The following C3orf52 variants were observed in gnomAD, a reference collection of about 807,000 sequenced individuals.
The protein encoded by C3orf52 is TPA-induced transmembrane protein.
Under a neutral mutation model 24.8 loss-of-function variants are expected in C3orf52, and 22 were observed. The ratio of observed to expected loss-of-function variants is 0.89; its 90% CI spans 0.63 to 1.27. The LOEUF is 1.27. C3orf52 is among the 50% of genes most tolerant of loss of function. The pLI is 0.00. For missense variants in C3orf52, 265 were observed against 260.7 expected (o/e 1.02, Z -0.11); for synonymous variants, 93 against 100.2 (o/e 0.93, Z 0.43).
At chr3:112,131,229 G>A (rs1440252898), downstream of C3orf52, among the ~76,000 whole-genome samples, 2 of 152,148 alleles carry the variant, frequency 1.3e-5, no homozygotes, top group East Asian at 3.9e-4. Context: ...ACTGGTCTGA[G>A]GATCCACAGC....
At chr3:112,092,198 C>T (rs1423534449) in intron 1 of C3orf52, among the ~76,000 whole-genome samples, 2 of 152,106 alleles carry the variant, frequency 1.3e-5, no homozygotes, top group Non-Finnish European at 2.9e-5. Flanking sequence ...TGTCCATTAT[C>T]TCTAGTTTTT....
At chr3:112,098,638 C>T (rs1212321575) in intron 2 of C3orf52, among the ~76,000 whole-genome samples, 1 of 152,168 alleles carries the variant, frequency 6.6e-6, no homozygotes, top group African/African-American at 2.4e-5. Flanking sequence ...AACAGAATAT[C>T]ATAAACTAGG....
downstream of C3orf52, chr3:112,132,964 A>G (rs1343849358): frequency 6.6e-6 from 6 of 907,746 alleles, no homozygotes; most frequent in Admixed American, 1.3e-4. Flanking sequence ...AAGGCTTGGC[A>G]GTTTCCTTAC....
At chr3:112,132,625 A>G (rs2074484225), downstream of C3orf52, 1 of 984,980 alleles carries the variant, frequency 1.0e-6, no homozygotes, top group Admixed American at 6.1e-5. Flanking sequence ...AATCTAGATG[A>G]CCTCTGCTTA....
chr3:112,135,810 G>A (rs149455177), downstream of C3orf52, among the ~76,000 whole-genome samples: 2 of 152,058 alleles, frequency 1.3e-5, no homozygotes, highest in African/African-American at 4.8e-5. Context: ...GTAAAGGAAG[G>A]TCACAACTTT....
downstream of C3orf52, chr3:112,133,970 C>G (rs1190668160): frequency 6.6e-6 from 1 of 152,276 alleles, no homozygotes; most frequent in East Asian, 1.9e-4. Flanking sequence ...TTTAGCCTGT[C>G]CAGCCCCCCT....
chr3:112,108,387 A>G (rs528081171), intron 3 of C3orf52, among the ~76,000 whole-genome samples: 4 of 152,118 alleles, frequency 2.6e-5, no homozygotes, highest in Admixed American at 6.5e-5. Flanking sequence ...ATATTTATAC[A>G]TTGCTGGGAG....
chr3:112,093,961 G>A (rs2073902790), intron 2 of C3orf52, among the ~76,000 whole-genome samples: 1 of 151,896 alleles, frequency 6.6e-6, no homozygotes, highest in African/African-American at 2.4e-5. Context: ...AGAACCATGT[G>A]TCCATAAGCT....
intron 4 of C3orf52, chr3:112,123,696 G>A (rs544367064): frequency 5.9e-5 from 95 of 1,614,014 alleles, no homozygotes; most frequent in Non-Finnish European, 7.8e-5. Context: ...AGAGTTCCCT[G>A]ATGGCCTTGT....
intron 4 of C3orf52, chr3:112,112,112 A>G (rs1302497206): frequency 6.6e-6 from 1 of 152,220 alleles, no homozygotes; most frequent in Non-Finnish European, 1.5e-5. Flanking sequence ...TCATTATTTT[A>G]TTGCTGGTTC....
downstream of C3orf52, chr3:112,135,058 A>C (rs1418009995): frequency 6.5e-6 from 1 of 154,862 alleles, no homozygotes; most frequent in African/African-American, 2.4e-5. Flanking sequence ...GACTGTATGC[A>C]TTTCTCATAA....
chr3:112,086,445 T>C lies in C3orf52; in HGVS notation c.38T>C (p.Leu13Pro). The change falls in exon 1 of 6, where the codon CTG becomes CCG. Residue 13 changes from leucine (L) to proline (P), a missense_variant. Physicochemically the swap from Leu to Pro is moderately conservative, Grantham distance 98 (BLOSUM62 -3). Coordinates refer to ENST00000264848, the MANE Select transcript of C3orf52 (RefSeq NM_024616.3). ...CAACCCTCACAGCCAGTAGACGAGC[T>C]GGAGCTCTCGGTGCTCGAGCGGCAG... ...LAQPSQPVDE[L>P]ELSVLERQPE... 1 of 1,551,248 alleles carries C rather than the reference T, an allele frequency of 6.4e-7. No individual in the cohort carries two copies. The highest frequency in any genetic ancestry group is 1.2e-5 in the South Asian group (1 of 83,996).
chr3:112,135,978 G>A (rs1024462053), downstream of C3orf52, among the ~76,000 whole-genome samples: 2 of 152,156 alleles, frequency 1.3e-5, no homozygotes, highest in African/African-American at 4.8e-5. Flanking sequence ...TGTAGCTTTC[G>A]TTTATCTCAG....
intron 1 of C3orf52, among the ~76,000 whole-genome samples, chr3:112,091,567 G>A (rs2073877409): frequency 6.6e-6 from 1 of 152,172 alleles, no homozygotes; most frequent in Admixed American, 6.5e-5. Flanking sequence ...GGTGCAGGTG[G>A]GGCCTAGGTA....
Position 112,113,976 on chromosome 3 carries a change from T to A in C3orf52, c.649+831T>A, listed in dbSNP as rs764565457. On this transcript the variant is annotated intron_variant, in intron 5 of 5. Coordinates refer to ENST00000264848, the MANE Select transcript of C3orf52 (RefSeq NM_024616.3). ...GCCAACAATCTTGAATATTTTATGT[T>A]CTCATCCACAGTCCATCAGAATCAC... 5.9e-5 allele frequency among the ~76,000 whole-genome samples: 9 copies of A among 152,210 alleles called. 1 individual carries two copies. The highest frequency in any genetic ancestry group is 7.4e-5 in the Non-Finnish European group (5 of 68,026).
At chr3:112,100,363 G>T (rs774828949) in intron 2 of C3orf52, among the ~76,000 whole-genome samples, 2 of 152,132 alleles carry the variant, frequency 1.3e-5, no homozygotes, top group African/African-American at 2.4e-5. Context: ...TTAAAAATAT[G>T]TTTTTTCTAC....
At chr3:112,105,570 G>GTGTGTGTGTGTGTGTGTGTGTT (rs199579112) in intron 3 of C3orf52, among the ~76,000 whole-genome samples, 1 of 133,950 alleles carries the variant, frequency 7.5e-6, no homozygotes. Context: ...GTGTGTGTGT[G>GTGTGTGTGTGTGTGTGTGTGTT]TTTTCCACAC....
intron 1 of C3orf52, among the ~76,000 whole-genome samples, chr3:112,091,283 T>C (rs1021391778): frequency 1.3e-5 from 2 of 152,178 alleles, no homozygotes; most frequent in African/African-American, 4.8e-5. Context: ...AACAGGGCAG[T>C]TTAAGAGCAC....
chr3:112,126,573 T>G (rs1327588360), intron 4 of C3orf52, among the ~76,000 whole-genome samples: 1 of 152,176 alleles, frequency 6.6e-6, no homozygotes, highest in Non-Finnish European at 1.5e-5. Context: ...CTAATCATAC[T>G]TGCCCCCGCC....
Sources: allele counts gnomAD v4.1 joint callset (sites outside exome capture counted in the v4.1 genomes callset), GRCh38; gene constraint gnomAD v4.1.1; transcripts MANE v1.5; gene names NCBI Gene and HGNC (gene_info 2026-07-23, HGNC 2026-07-21).